HEATR1: variants seen among roughly 807,000 people sequenced by gnomAD.
The protein encoded by HEATR1 is HEAT repeat containing 1.
A neutral mutation model predicts 248.2 loss-of-function variants in HEATR1; 77 were observed. The observed-to-expected ratio is 0.31, with a 90% confidence interval of 0.26 to 0.37. HEATR1 has a LOEUF of 0.37. Among genes scored for constraint, HEATR1 ranks in the 10% least tolerant of loss-of-function variants. HEATR1 has a pLI of 1.00. For missense variants in HEATR1, 2,420 were observed against 2,504.9 expected, an observed-to-expected ratio of 0.97 and a Z score of 0.72; for synonymous variants, 897 against 923.1, an observed-to-expected ratio of 0.97 and a Z score of 0.51.
chr1:236,555,910 C>G lies in HEATR1; in HGVS notation c.5544G>C (p.Leu1848Phe). Residue 1848 changes from leucine (L) to phenylalanine (F), a missense_variant, in exon 39 of 45, where the codon TTG (leucine) becomes TTC (phenylalanine). Physicochemically the swap from Leu to Phe is conservative, Grantham distance 22. Transcript: ENST00000366582. ...TCTTCATCACCCCAATATGCTCTTG[C>G]AAGATGCTCATAAACGGACCCATGT... is the stretch of plus-strand genomic sequence containing the variant. ...KNHMGPFMSI[L>F]QEHIGVMKKE... The G allele has an allele frequency of 6.2e-7, 1 of 1,613,714 alleles. No homozygotes were observed. The highest frequency in any genetic ancestry group is 8.5e-7 in the Non-Finnish European group (1 of 1,179,562).
chr1:236,556,258 C>A lies in HEATR1; in HGVS notation c.5356G>T (p.Val1786Leu). ...CTAGTGATTTTCTCCAGATGAATCA[C>A]CTACAGGAATATAAAAAAAGTGATC... is the stretch of plus-strand genomic sequence containing the variant. ...SPYLEGILSQVIHLEKITSEM... is the reference protein window; with the variant it reads ...SPYLEGILSQLIHLEKITSEM... The change falls in exon 38 of 45, where the codon GTG becomes TTG. Residue 1786 changes from valine (V) to leucine (L), a missense_variant and splice_region_variant. Coordinates refer to ENST00000366582, the MANE Select transcript of HEATR1 (RefSeq NM_018072.6). The A allele has an allele frequency of 6.2e-7, 1 of 1,613,906 alleles. No individual in the cohort carries two copies. Among genetic ancestry groups the A allele is most frequent in the Non-Finnish European group, 8.5e-7 (1 of 1,179,916 alleles).
At chr1:236,562,504 A>C (rs528499693) in intron 32 of HEATR1, among the ~76,000 whole-genome samples, 1 of 151,990 alleles carries the variant, frequency 6.6e-6, no homozygotes, top group South Asian at 2.1e-4. Context: ...CTCTCCCCCA[A>C]CTGCTTTGTA....
In HEATR1 at chr1:236,582,787, G is replaced by A. The variant is rs1198343063; in HGVS notation, c.2511C>T (p.Leu837=). 2 of 1,614,002 alleles carry A rather than the reference G, an allele frequency of 1.2e-6. No individual in the cohort carries two copies. Among genetic ancestry groups the A allele is most frequent in the Admixed American group, 1.7e-5 (1 of 59,994 alleles). The part of the protein sequence containing the change: ...HLLIGLFEMM[L]NGADAVHFRV... ...TGAAATGAACAGCATCGGCACCATT[G>A]AGCATCATCTCAAACAGCCCAATGA... The change falls in exon 19 of 45, where the codon CTC becomes CTT. Residue 837 remains leucine (L), a synonymous_variant. Transcript: ENST00000366582.
intron 3 of HEATR1, among the ~76,000 whole-genome samples, chr1:236,601,459 T>C (rs1314975168): frequency 6.6e-6 from 1 of 152,180 alleles, no homozygotes; most frequent in Non-Finnish European, 1.5e-5. Context: ...CTGGCCAGGC[T>C]GGCCTTGAAG....
chr1:236,593,362 G>A (rs376759439), intron 9 of HEATR1, among the ~76,000 whole-genome samples: 2 of 151,892 alleles, frequency 1.3e-5, no homozygotes, highest in East Asian at 1.9e-4. Flanking sequence ...ATTACTACAC[G>A]TGTATACTCT....
At chr1:236,554,130 G>A (rs553153255) in intron 42 of HEATR1, among the ~76,000 whole-genome samples, 138 of 152,138 alleles carry the variant, frequency 9.1e-4, no homozygotes, top group Middle Eastern at 3.2e-3. Flanking sequence ...GGTGGCTCAC[G>A]CCTGTAATCC....
intron 14 of HEATR1, among the ~76,000 whole-genome samples, chr1:236,587,030 C>T (rs1455470336): frequency 6.6e-6 from 1 of 152,058 alleles, no homozygotes; most frequent in Admixed American, 6.5e-5. Flanking sequence ...TATCATGTGT[C>T]TCTGAACTTA....
rs1243399137 is a variant in HEATR1, at chr1:236,558,331, T to G, written c.5110A>C (p.Arg1704=). 1.2e-6 allele frequency: 2 copies of G among 1,614,162 alleles called. No homozygotes were observed. Among genetic ancestry groups the G allele is most frequent in the East Asian group, 2.2e-5 (1 of 44,888 alleles). ...CCCAGGACATTCTTCTCCTCCTTTCTCTCTGGAGCAATCAGTTTCACAGCA... is the reference window on the plus strand; with the variant it reads ...CCCAGGACATTCTTCTCCTCCTTTCGCTCTGGAGCAATCAGTTTCACAGCA... ...NTAVKLIAPE[R]KEEKNVLGSA... Residue 1704 remains arginine (R), a synonymous_variant, in exon 36 of 45, where the codon AGA becomes CGA. Transcript: ENST00000366582.
intron 26 of HEATR1, among the ~76,000 whole-genome samples, 173 bp downstream of exon 26, chr1:236,572,238 T>G (rs922579655): frequency 1.3e-5 from 2 of 152,180 alleles, no homozygotes; most frequent in African/African-American, 4.8e-5. Flanking sequence ...TAAGGTCAGT[T>G]TGGGGCACCA....
chr1:236,579,729 A>C, intron 20 of HEATR1, among the ~76,000 whole-genome samples: 1 of 152,308 alleles, frequency 6.6e-6, no homozygotes, highest in East Asian at 1.9e-4. Flanking sequence ...ATAAAAAATT[A>C]CTTTTGTGGA....
intron 43 of HEATR1, among the ~76,000 whole-genome samples, chr1:236,553,181 T>C (rs1010660126): frequency 2.3e-4 from 35 of 152,222 alleles, no homozygotes; most frequent in Non-Finnish European, 1.6e-4. Context: ...AACAACAGAA[T>C]GTATTGCTCT....
At chr1:236,600,524 A>T (rs962400907) in intron 3 of HEATR1, among the ~76,000 whole-genome samples, 1 of 148,238 alleles carries the variant, frequency 6.7e-6, no homozygotes, top group Admixed American at 6.7e-5. Flanking sequence ...AGTACCATAC[A>T]TTGCCTTTTA....
intron 37 of HEATR1, 54 bp downstream of exon 37, chr1:236,557,141 T>C: frequency 6.4e-7 from 1 of 1,570,888 alleles, no homozygotes; most frequent in East Asian, 2.3e-5. Context: ...ACATTTGTGA[T>C]CTTTTACCTT....
intron 18 of HEATR1, 50 bp from the exon 19 acceptor site, chr1:236,582,922 T>C (rs776063696): frequency 6.2e-7 from 1 of 1,608,124 alleles, no homozygotes; most frequent in South Asian, 1.1e-5. Flanking sequence ...ATGAACATGC[T>C]GGGAGCTTTT....
chr1:236,573,958 C>G (rs749371757), intron 24 of HEATR1: 8 of 294,686 alleles, frequency 2.7e-5, no homozygotes, highest in Admixed American at 5.0e-5. Context: ...AGATCACACA[C>G]ACACATATTC....
Position 236,550,534 on chromosome 1 carries a change from T to C in HEATR1, c.*368A>G, listed in dbSNP as rs1253278992. 5.5e-6 allele frequency: 1 copy of C among 181,474 alleles called. No homozygotes were observed. The highest frequency in any genetic ancestry group is 1.1e-5 in the Non-Finnish European group (1 of 88,024). The allele number at this position is 181,474 out of a possible 1,614,324, so 11.2% of individuals were successfully genotyped here. A position where few individuals can be genotyped will look rare whatever the true frequency, so the allele number is the denominator to read the frequency against. ...CAACATGGATACCATGTATGTAAGA[T>C]ACTGCTGTACAGAAGAGTTAAGGCT... On this transcript the variant is annotated 3_prime_UTR_variant, in exon 45 of 45. Transcript: ENST00000366582.
chr1:236,592,204 A>G, intron 10 of HEATR1, 94 bp from the exon 11 acceptor site: 2 of 704,168 alleles, frequency 2.8e-6, no homozygotes, highest in Middle Eastern at 8.2e-4. Flanking sequence ...AAAATCTTAA[A>G]AATTACTGAG....
rs773405671 is a variant in HEATR1 at position 236,574,732 on chromosome 1, T to C, written c.3256A>G (p.Ile1086Val). Residue 1086 changes from isoleucine to valine, a missense_variant, in exon 23 of 45, where the codon ATA becomes GTA. Ile to Val is a conservative substitution (Grantham distance 29). Transcript: ENST00000366582. Reference sequence around the variant, plus strand: ...TCCTTTGTTGTGTGCACAGCTTTTATAAATATATCTAGACTCTTCGGATCC... The same window carrying C: ...TCCTTTGTTGTGTGCACAGCTTTTACAAATATATCTAGACTCTTCGGATCC... ...NEDPKSLDIF[I>V]KAVHTTKELY... The C allele has an allele frequency of 1.2e-6, 2 of 1,613,820 alleles. No individual in the cohort carries two copies. The highest frequency in any genetic ancestry group is 1.7e-5 in the Admixed American group (1 of 60,008).
chr1:236,550,029 A>C lies in HEATR1; in HGVS notation c.*873T>G, dbSNP rs1027523967. On this transcript the variant is annotated 3_prime_UTR_variant, in exon 45 of 45. Transcript: ENST00000366582. The stretch of plus-strand genomic sequence containing the variant: ...TACGGGATGTTCTTAGATGCCTTTA[A>C]AAAGGGGGCAGATCTAATTTTATTT... 5 of 152,232 alleles carry C rather than the reference A, an allele frequency of 3.3e-5. No individual in the cohort carries two copies. The highest frequency in any genetic ancestry group is 1.2e-4 in the African/African-American group (5 of 41,464). 9.4% of individuals were successfully genotyped at this position (152,232 alleles called of 1,614,324 possible). A position where few individuals can be genotyped will look rare whatever the true frequency, so the allele number is the denominator to read the frequency against.
Sources: gnomAD v4.1 joint callset for allele counts (sites outside exome capture counted in the v4.1 genomes callset) on GRCh38, gnomAD v4.1.1 for gene constraint, MANE v1.5 for transcripts, NCBI Gene and HGNC (gene_info 2026-07-23, HGNC 2026-07-21) for gene names.